The following DLGAP2 variants were observed in gnomAD, a reference collection of about 807,000 sequenced individuals.
DLGAP2 encodes the protein disks large-associated protein 2.
Under a neutral mutation model 100.3 loss-of-function variants are expected in DLGAP2, and 26 were observed. The ratio of observed to expected loss-of-function variants is 0.26; its 90% CI spans 0.19 to 0.36. DLGAP2 has a LOEUF of 0.36. Among genes scored for constraint, DLGAP2 ranks in the 10% least tolerant of loss-of-function variants. The pLI, the probability that DLGAP2 is intolerant of heterozygous loss-of-function variation, is 1.00. For synonymous variants in DLGAP2, 886 were observed against 630.1 expected, an observed-to-expected ratio of 1.41 and a Z score of -6.08; for missense variants, 1,858 against 1,453.2, an observed-to-expected ratio of 1.28 and a Z score of -4.53.
At chr8:795,234 C>T (rs1479818806) in intron 1 of DLGAP2, among the ~76,000 whole-genome samples, 1 of 152,206 alleles carries the variant, frequency 6.6e-6, no homozygotes, top group Non-Finnish European at 1.5e-5. Flanking sequence ...TTTTGTCAAT[C>T]AATCAGTGCA....
intron 5 of DLGAP2, among the ~76,000 whole-genome samples, chr8:1,564,405 G>A (rs2956914): frequency 1.3e-5 from 2 of 151,978 alleles, no homozygotes; most frequent in South Asian, 2.1e-4. Context: ...AGAGAGACAC[G>A]TAACGCAAAC....
At chr8:1,200,867 G>A (rs1212508553) in intron 2 of DLGAP2, among the ~76,000 whole-genome samples, 1 of 152,220 alleles carries the variant, frequency 6.6e-6, no homozygotes, top group African/African-American at 2.4e-5. Context: ...GGCATCGAAC[G>A]ATGCGTCCGC....
chr8:1,244,390 T>G (rs766071919), intron 2 of DLGAP2, among the ~76,000 whole-genome samples: 1 of 152,216 alleles, frequency 6.6e-6, no homozygotes. Context: ...CATAGGGATA[T>G]GAGCTCCTGA....
chr8:1,058,156 G>A (rs1233036838), intron 2 of DLGAP2, among the ~76,000 whole-genome samples: 6 of 151,700 alleles, frequency 4.0e-5, no homozygotes, highest in African/African-American at 1.2e-4. Flanking sequence ...ATTGACTAGC[G>A]GCGGGTCTGG....
At chr8:1,423,765 T>C (rs901894871) in intron 3 of DLGAP2, among the ~76,000 whole-genome samples, 1 of 152,190 alleles carries the variant, frequency 6.6e-6, no homozygotes, top group African/African-American at 2.4e-5. Flanking sequence ...CCAGGGCTAG[T>C]GGCAGGAGCA....
intron 2 of DLGAP2, among the ~76,000 whole-genome samples, chr8:1,057,386 A>C (rs1248845007): frequency 6.6e-6 from 1 of 152,256 alleles, no homozygotes; most frequent in East Asian, 1.9e-4. Flanking sequence ...CCAAACATTC[A>C]AATGCTGCAC....
chr8:1,380,656 G>A (rs74365325), intron 3 of DLGAP2, among the ~76,000 whole-genome samples: 2,136 of 152,164 alleles, frequency 0.014, 55 homozygotes, highest in African/African-American at 0.049. Context: ...TTAAAAGTTC[G>A]CCGAGGTGTC....
intron 2 of DLGAP2, among the ~76,000 whole-genome samples, chr8:1,151,398 C>T (rs939295570): frequency 3.3e-5 from 5 of 152,154 alleles, no homozygotes; most frequent in Admixed American, 6.5e-5. Context: ...AAGGGTAACA[C>T]GATGCAGAGA....
chr8:1,455,250 A>T (rs1162735396), intron 3 of DLGAP2, among the ~76,000 whole-genome samples: 2 of 152,230 alleles, frequency 1.3e-5, no homozygotes, highest in Non-Finnish European at 2.9e-5. Flanking sequence ...GTGCAGGTGC[A>T]GGTGGGTCCC....
At chr8:1,232,751 A>G (rs1038745175) in intron 2 of DLGAP2, among the ~76,000 whole-genome samples, 2 of 152,342 alleles carry the variant, frequency 1.3e-5, no homozygotes, top group East Asian at 3.9e-4. Context: ...ACTCATTCAC[A>G]CATTCATTTC....
chr8:1,525,713 G>C (rs1211808469), intron 4 of DLGAP2, among the ~76,000 whole-genome samples: 2 of 152,250 alleles, frequency 1.3e-5, no homozygotes, highest in Non-Finnish European at 2.9e-5. Context: ...CTCACTCCCA[G>C]CCTCTTAGCA....
intron 2 of DLGAP2, among the ~76,000 whole-genome samples, chr8:1,145,224 G>C (rs1796586190): frequency 1.3e-5 from 2 of 151,940 alleles, no homozygotes; most frequent in Non-Finnish European, 2.9e-5. Context: ...CCACTGTACA[G>C]AAACACAGCT....
chr8:930,202 T>C (rs925947675), intron 2 of DLGAP2, among the ~76,000 whole-genome samples: 1 of 152,220 alleles, frequency 6.6e-6, no homozygotes, highest in Non-Finnish European at 1.5e-5. Flanking sequence ...CGCAGCCCCT[T>C]GCCTTCCTGG....
intron 2 of DLGAP2, among the ~76,000 whole-genome samples, chr8:1,136,959 AAAACTGT>A (rs1296180572): frequency 6.6e-6 from 1 of 152,204 alleles, no homozygotes; most frequent in African/African-American, 2.4e-5. Context: ...GTATGTCTGA[AAAACTGT>A]AATCCTGCCT....
chr8:1,039,521 T>G (rs35233477), intron 2 of DLGAP2, among the ~76,000 whole-genome samples: 95 of 65,986 alleles, frequency 1.4e-3, no homozygotes, highest in East Asian at 4.6e-3. Context: ...GGTGTGCATG[T>G]TCAGCTCGGT....
At chr8:1,063,075 G>C (rs1389558380) in intron 2 of DLGAP2, among the ~76,000 whole-genome samples, 1 of 152,192 alleles carries the variant, frequency 6.6e-6, no homozygotes, top group African/African-American at 2.4e-5. Flanking sequence ...TGTGGAAACG[G>C]CTTCCTTTGT....
intron 2 of DLGAP2, among the ~76,000 whole-genome samples, chr8:1,090,266 G>A (rs1178278484): frequency 6.6e-6 from 1 of 150,674 alleles, no homozygotes. Context: ...CCTGCTGCCT[G>A]TCTGCCCTCT....
chr8:1,020,516 G>A (rs990022190), intron 2 of DLGAP2, among the ~76,000 whole-genome samples: 3 of 152,196 alleles, frequency 2.0e-5, no homozygotes, highest in African/African-American at 7.2e-5. Context: ...AAGGGATTGA[G>A]GTCTCAGAGA....
intron 3 of DLGAP2, among the ~76,000 whole-genome samples, chr8:1,310,840 C>T (rs773246036): frequency 3.1e-4 from 47 of 151,920 alleles, no homozygotes; most frequent in Admixed American, 8.5e-4. Context: ...GTCAAAGTAA[C>T]ATTTTAGCCA....
Sources: gnomAD v4.1 joint callset for allele counts (sites outside exome capture counted in the v4.1 genomes callset) on GRCh38, gnomAD v4.1.1 for gene constraint, MANE v1.5 for transcripts, NCBI Gene and HGNC (gene_info 2026-07-23, HGNC 2026-07-21) for gene names.